The following CCDC88C variants were observed in gnomAD, a reference collection of about 807,000 sequenced individuals.
CCDC88C encodes protein Daple.
In CCDC88C, 131 loss-of-function variants were observed where a neutral mutation model predicts 198.8. The observed-to-expected ratio is 0.66, with a 90% confidence interval of 0.57 to 0.76. The LOEUF (loss-of-function observed/expected upper bound fraction) is 0.76. Ranked by LOEUF, CCDC88C falls within the 30% of genes least tolerant of loss-of-function variation. The pLI, the probability that CCDC88C is intolerant of heterozygous loss-of-function variation, is 0.00. For missense variants in CCDC88C, 2,553 were observed against 2,631.6 expected (o/e 0.97, Z 0.65); for synonymous variants, 1,166 against 1,114.7 (o/e 1.05, Z -0.92).
At position 91,272,874 on chromosome 14, in the gene CCDC88C, G is replaced by A; in HGVS notation, c.5838C>T (p.Arg1946=). Residue 1946 remains arginine, a synonymous_variant, in exon 30 of 30, where the codon CGC becomes CGT. Transcript: ENST00000389857. Reference sequence around the variant, plus strand: ...GGGTGATGGTGGCCACCTCCCCTGAGCGTGGGGGCGCCTTGGGCTTGGTCC... The same window carrying A: ...GGGTGATGGTGGCCACCTCCCCTGAACGTGGGGGCGCCTTGGGCTTGGTCC... The part of the protein sequence containing the change: ...AARTKPKAPP[R]SGEVATITPV... The A allele has an allele frequency of 6.3e-7, 1 of 1,590,358 alleles. No homozygotes were observed. Among genetic ancestry groups the A allele is most frequent in the Non-Finnish European group, 8.5e-7 (1 of 1,171,564 alleles).
intron 3 of CCDC88C, among the ~76,000 whole-genome samples, chr14:91,394,629 A>G (rs1024653305): frequency 6.6e-6 from 1 of 152,270 alleles, no homozygotes; most frequent in African/African-American, 2.4e-5. Flanking sequence ...GACGGCAGAC[A>G]CATTTCCATG....
At chr14:91,417,328 C>T (rs1307432136) in intron 1 of CCDC88C, 3 of 616,958 alleles carry the variant, frequency 4.9e-6, no homozygotes, top group Non-Finnish European at 5.8e-6. Context: ...CCACTGGGAC[C>T]CGGTCCGCCC....
Position 91,339,338 on chromosome 14 carries a change from T to G in CCDC88C, c.749A>C (p.Gln250Pro), listed in dbSNP as rs775047473. The part of the protein sequence containing the change: ...PTSSLSSEDK[Q>P]HLAVELADTK... The stretch of plus-strand genomic sequence containing the variant: ...GTCGGCCAGCTCTACGGCCAGGTGC[T>G]GCTTGTCTTCGCTAGAGAGGCTGCT... Residue 250 changes from glutamine (Q) to proline (P), a missense_variant, in exon 8 of 30, where the codon CAG becomes CCG. Coordinates refer to ENST00000389857, the MANE Select transcript of CCDC88C (RefSeq NM_001080414.4). This position sits in a 1 kb window ranked among gnomAD's most constrained non-coding sequence, Gnocchi z 5.8. 8 of 1,613,698 alleles carry G rather than the reference T, an allele frequency of 5.0e-6. No individual in the cohort carries two copies. Among genetic ancestry groups the G allele is most frequent in the Non-Finnish European group, 5.9e-6 (7 of 1,179,894 alleles).
Position 91,273,833 on chromosome 14 carries a change from G to C in CCDC88C, c.5059-180C>G, listed in dbSNP as rs866025460. On this transcript the variant is annotated intron_variant, in intron 29 of 29. Coordinates refer to ENST00000389857, the MANE Select transcript of CCDC88C (RefSeq NM_001080414.4). This position sits in a 1 kb window ranked among gnomAD's most constrained non-coding sequence, Gnocchi z 5.6. ...ACACCAGCCCTGGGCAGGATGGTGA[G>C]GGTGGCTAAGGCAGCATGGGACCAC... Among the ~76,000 whole-genome samples, 2 of 152,184 alleles carry C rather than the reference G, an allele frequency of 1.3e-5. No homozygotes were observed. Among genetic ancestry groups the C allele is most frequent in the Admixed American group, 6.5e-5 (1 of 15,288 alleles).
intron 4 of CCDC88C, among the ~76,000 whole-genome samples, chr14:91,345,704 G>GT (rs1379434029): frequency 1.3e-5 from 2 of 152,060 alleles, no homozygotes; most frequent in Non-Finnish European, 2.9e-5. Context: ...CAAAAATCCT[G>GT]TTTCGTCATT....
chr14:91,313,612 C>T lies in CCDC88C; in HGVS notation c.2204G>A (p.Arg735His), dbSNP rs114142372. 1.7e-3 allele frequency: 2,775 copies of T among 1,612,690 alleles called. 44 individuals are homozygous for T. The African/African-American group carries it at 0.031, about 18-fold the overall frequency. ...GTTCTTCCTCAGCTCCTCCTTCTCACGCTCCAGCTGCTGGTTCTCCCTCTC... is the reference window on the plus strand; with the variant it reads ...GTTCTTCCTCAGCTCCTCCTTCTCATGCTCCAGCTGCTGGTTCTCCCTCTC... Reference protein sequence around the residue: ...QMERENQQLEREKEELRKNVD... With the variant: ...QMERENQQLEHEKEELRKNVD... The change falls in exon 15 of 30, where the codon CGT (arginine) becomes CAT (histidine). Residue 735 changes from arginine to histidine, a missense_variant. Physicochemically the swap from Arg to His is conservative, Grantham distance 29 (BLOSUM62 0). Around this residue, in one of 2 missense-constraint regions of CCDC88C, gnomAD observed 1,260 missense variants for 1,412.0 expected, o/e 0.89. Coordinates refer to ENST00000389857, the MANE Select transcript of CCDC88C (RefSeq NM_001080414.4). The surrounding 1 kb of genome is among the most constrained non-coding windows in gnomAD (Gnocchi z 5.2).
At position 91,338,433 on chromosome 14, in the gene CCDC88C, C is replaced by T. The variant is rs1450286967; in HGVS notation, c.891+56G>A. ...GCTCCTGACCCTCCAGGCCCCGTTA[C>T]TGGACACTCCAGCCCTGCTACCCCC... On this transcript the variant is annotated intron_variant, in intron 9 of 29. Transcript: ENST00000389857. This position sits in a 1 kb window ranked among gnomAD's most constrained non-coding sequence, Gnocchi z 4.8. The T allele has an allele frequency of 6.9e-7, 1 of 1,455,290 alleles. No homozygotes were observed. Among genetic ancestry groups the T allele is most frequent in the African/African-American group, 1.4e-5 (1 of 71,040 alleles). The allele number at this position is 1,455,290 out of a possible 1,614,324, so 90.1% of individuals were successfully genotyped here.
intron 3 of CCDC88C, among the ~76,000 whole-genome samples, chr14:91,373,939 C>T (rs1312619432): frequency 6.6e-6 from 1 of 152,208 alleles, no homozygotes; most frequent in Non-Finnish European, 1.5e-5. Context: ...TGATCACTTC[C>T]TCAGCAATCA....
At chr14:91,279,391 A>G (rs1890107616) in intron 27 of CCDC88C, 85 bp from the exon 28 acceptor site, 1 of 1,150,602 alleles carries the variant, frequency 8.7e-7, no homozygotes, top group African/African-American at 1.6e-5. Context: ...CGATGCAGCA[A>G]AACAATCCCA....
intron 15 of CCDC88C, among the ~76,000 whole-genome samples, chr14:91,310,886 C>G (rs78186318): frequency 0.021 from 3,164 of 152,304 alleles, 128 homozygotes; most frequent in African/African-American, 0.072. Flanking sequence ...CTGAACGGCA[C>G]TGTGACAGAG....
At chr14:91,345,240 T>A (rs1223418581) in intron 4 of CCDC88C, among the ~76,000 whole-genome samples, 1 of 134,538 alleles carries the variant, frequency 7.4e-6, no homozygotes, top group East Asian at 2.2e-4. Flanking sequence ...TCACCCAGGC[T>A]GGAGTGCAGT....
intron 4 of CCDC88C, among the ~76,000 whole-genome samples, chr14:91,350,271 C>T (rs1893730975): frequency 6.6e-6 from 1 of 152,042 alleles, no homozygotes; most frequent in Non-Finnish European, 1.5e-5. Context: ...AGAGATTCTC[C>T]TGCCTCGGCC....
chr14:91,417,447 C>A, intron 1 of CCDC88C, 184 bp downstream of exon 1: 1 of 579,506 alleles, frequency 1.7e-6, no homozygotes. Flanking sequence ...GGGGCGCCGG[C>A]TCCAGAGTTA....
intron 6 of CCDC88C, among the ~76,000 whole-genome samples, chr14:91,340,587 T>C (rs1461380188): frequency 6.6e-6 from 1 of 152,206 alleles, no homozygotes; most frequent in Non-Finnish European, 1.5e-5. Flanking sequence ...TACACAGCTC[T>C]GTCTACGTGA....
At chr14:91,370,258 G>A (rs1463950731) in intron 3 of CCDC88C, among the ~76,000 whole-genome samples, 2 of 152,208 alleles carry the variant, frequency 1.3e-5, no homozygotes, top group Admixed American at 6.5e-5. Flanking sequence ...CCTTCAGAAG[G>A]GGGAAGGGAG....
chr14:91,281,375 G>A, intron 27 of CCDC88C, 82 bp downstream of exon 27: 1 of 1,605,532 alleles, frequency 6.2e-7, no homozygotes, highest in Non-Finnish European at 8.5e-7. Context: ...TCCCGTACAG[G>A]ACTCAGCTTA....
intron 16 of CCDC88C, among the ~76,000 whole-genome samples, chr14:91,309,449 C>T (rs1455041339): frequency 1.3e-5 from 2 of 151,870 alleles, no homozygotes; most frequent in East Asian, 3.9e-4. Context: ...ACAAAACATA[C>T]AAGGATTAGC....
Position 91,342,594 on chromosome 14 carries a change from T to A in CCDC88C, c.400-131A>T, listed in dbSNP as rs1223299474. ...GCTTCTCCTTCATAACTAAGAACGC[T>A]CTTGTCCTCCTACCAGCCTTACACT... is the stretch of plus-strand genomic sequence containing the variant. On this transcript the variant is annotated intron_variant, in intron 5 of 29. Coordinates refer to ENST00000389857, the MANE Select transcript of CCDC88C (RefSeq NM_001080414.4). The A allele has an allele frequency of 5.8e-6, 4 of 690,790 alleles. No homozygotes were observed. In the East Asian group the frequency reaches 1.1e-4, roughly 19 times the overall value. The allele number at this position is 690,790 out of a possible 1,614,324, so 42.8% of individuals were successfully genotyped here.
chr14:91,365,868 C>A (rs1038528265), intron 3 of CCDC88C, among the ~76,000 whole-genome samples: 2 of 152,076 alleles, frequency 1.3e-5, no homozygotes, highest in Non-Finnish European at 2.9e-5. Context: ...GACGCTATGG[C>A]CACTCATCCC....
Sources: allele counts gnomAD v4.1 joint callset (sites outside exome capture counted in the v4.1 genomes callset), GRCh38; gene constraint gnomAD v4.1.1; regional missense constraint gnomAD v4.1.1; non-coding constraint Gnocchi (gnomAD v3.1); transcripts MANE v1.5; gene names NCBI Gene and HGNC (gene_info 2026-07-23, HGNC 2026-07-21).